Variants in MTUS1 observed in about 807,000 individuals in gnomAD.
MTUS1 encodes the protein microtubule associated scaffold protein 1.
MTUS1 carries 109 observed loss-of-function variants against 120.8 expected under a neutral mutation model. The ratio of observed to expected loss-of-function variants is 0.90; its 90% confidence interval spans 0.77 to 1.06. MTUS1 has a LOEUF of 1.06. MTUS1 is among the 50% of genes least tolerant of loss of function. The pLI, the probability that MTUS1 is intolerant of heterozygous loss-of-function variation, is 0.00. For synonymous variants in MTUS1, 737 were observed against 550.5 expected, an observed-to-expected ratio of 1.34 and a Z score of -4.74; for missense variants, 2,210 against 1,486.3, an observed-to-expected ratio of 1.49 and a Z score of -8.01.
At chr8:17,711,727 T>C (rs1585874835) in intron 6 of MTUS1, among the ~76,000 whole-genome samples, 2 of 152,262 alleles carry the variant, frequency 1.3e-5, no homozygotes, top group East Asian at 3.8e-4. Flanking sequence ...TTCTGAATTA[T>C]CCTGGCTTTC....
Position 17,767,533 on chromosome 8 carries a change from T to TAA in MTUS1, c.-154-11574_-154-11573dup, listed in dbSNP as rs71543699. Among the ~76,000 whole-genome samples, 184 of 141,346 alleles carry TAA rather than the reference T, an allele frequency of 1.3e-3. 1 individual carries two copies. Among genetic ancestry groups the TAA allele is most frequent in the African/African-American group, 1.6e-3 (61 of 37,774 alleles). The allele number at this position is 141,346 out of a possible 152,430, so 92.7% of individuals were successfully genotyped here. A position where few individuals can be genotyped will look rare whatever the true frequency, so the allele number is the denominator to read the frequency against. ...GCAACACAGCAAAACCCCATCTCTT[T>TAA]AAAAAAAAAAAAAAATCAACCAGGC... is the stretch of plus-strand genomic sequence containing the variant. On this transcript the variant is annotated intron_variant, in intron 1 of 14. Transcript: ENST00000693296.
intron 8 of MTUS1, among the ~76,000 whole-genome samples, chr8:17,666,270 G>C (rs13262658): frequency 0.5 from 72,022 of 142,704 alleles, 19,780 homozygotes; most frequent in Middle Eastern, 0.7. Flanking sequence ...TTTCAATCAA[G>C]AGTTTCAATG....
chr8:17,662,969 A>G (rs998642691), intron 8 of MTUS1, among the ~76,000 whole-genome samples: 2 of 152,230 alleles, frequency 1.3e-5, no homozygotes, highest in Non-Finnish European at 2.9e-5. Context: ...TGAGATTAGA[A>G]GTCAGTATTT....
At chr8:17,726,237 T>C (rs1585985967) in intron 3 of MTUS1, among the ~76,000 whole-genome samples, 1 of 152,186 alleles carries the variant, frequency 6.6e-6, no homozygotes, top group East Asian at 1.9e-4. Context: ...CCCCAGGTGA[T>C]TAAAATGCAC....
At chr8:17,794,185 G>A (rs1018356732) in intron 1 of MTUS1, among the ~76,000 whole-genome samples, 2 of 151,952 alleles carry the variant, frequency 1.3e-5, no homozygotes, top group Admixed American at 1.3e-4. Context: ...AAATGAAGAC[G>A]GGCGTGGTGG....
At chr8:17,697,423 T>C in intron 6 of MTUS1, 2 of 1,610,780 alleles carry the variant, frequency 1.2e-6, no homozygotes, top group Non-Finnish European at 1.7e-6. Context: ...GCAATTTCCA[T>C]GGACTGTCAC....
chr8:17,667,290 G>C (rs952082786), intron 8 of MTUS1, among the ~76,000 whole-genome samples: 1 of 152,208 alleles, frequency 6.6e-6, no homozygotes, highest in African/African-American at 2.4e-5. Context: ...TTGGTGTACA[G>C]TTGGTTTTCA....
intron 7 of MTUS1, among the ~76,000 whole-genome samples, chr8:17,680,424 A>G (rs895741318): frequency 2.3e-5 from 3 of 128,786 alleles, no homozygotes; most frequent in Non-Finnish European, 4.6e-5. Context: ...AGATTGCGCC[A>G]CTGCACTCCA....
intron 5 of MTUS1, 73 bp from the exon 6 acceptor site, chr8:17,713,325 TAAG>T (rs1821701900): frequency 1.1e-6 from 1 of 926,182 alleles, no homozygotes; most frequent in Non-Finnish European, 1.7e-6. Context: ...ACCATGTTGA[TAAG>T]AATTATTTTC....
intron 8 of MTUS1, among the ~76,000 whole-genome samples, chr8:17,657,248 G>A (rs1192746362): frequency 4.0e-5 from 6 of 151,858 alleles, no homozygotes; most frequent in East Asian, 1.9e-4. Context: ...GGCCAGGCAC[G>A]GTGGTTTGTG....
chr8:17,800,222 G>A (rs146444115), intron 1 of MTUS1, among the ~76,000 whole-genome samples: 3 of 151,930 alleles, frequency 2.0e-5, no homozygotes, highest in Non-Finnish European at 4.4e-5. Context: ...AAATTCACTG[G>A]TAACACCCCT....
rs545079393 is a variant in MTUS1 at position 17,659,649 on chromosome 8, G to T, written c.2906-3584C>A. ...GGAGGCAGAGGTTACAGTGAGCCAA[G>T]ATCGCACTACCGCACTCCAGCCTGG... On this transcript the variant is annotated intron_variant, in intron 8 of 14. Coordinates refer to ENST00000693296, the MANE Select transcript of MTUS1 (RefSeq NM_001363059.2). Among the ~76,000 whole-genome samples the T allele has an allele frequency of 6.1e-3, 932 of 152,258 alleles. 10 individuals are homozygous for T. Among genetic ancestry groups the T allele is most frequent in the African/African-American group, 0.021 (877 of 41,548 alleles).
chr8:17,753,862 T>C lies in MTUS1; in HGVS notation c.1946A>G (p.Glu649Gly), dbSNP rs765221491. Residue 649 changes from glutamate to glycine, a missense_variant, in exon 2 of 15, where the codon GAA becomes GGA. By Grantham distance (98) the Glu-to-Gly change is moderately conservative. Transcript: ENST00000693296. ...GGGAACATAGGTCATTTCCAAACAT[T>C]CTGCACTTTCCATTTTAACAGGGAG... Reference protein sequence around the residue: ...GILPVKMESAECLEMTYVPNI... With the variant: ...GILPVKMESAGCLEMTYVPNI... 1 of 1,614,228 alleles carries C rather than the reference T, an allele frequency of 6.2e-7. No individual in the cohort carries two copies. Among genetic ancestry groups the C allele is most frequent in the Non-Finnish European group, 8.5e-7 (1 of 1,180,038 alleles).
In MTUS1 at chr8:17,753,770, C is replaced by A; in HGVS notation, c.2038G>T (p.Glu680Ter). 6.2e-7 allele frequency: 1 copy of A among 1,612,900 alleles called. No individual in the cohort carries two copies. Among genetic ancestry groups the A allele is most frequent in the Non-Finnish European group, 8.5e-7 (1 of 1,179,808 alleles). The part of the protein sequence containing the change: ...KENGTSMEKQ[E>*]LKQEIMNETF... The stretch of plus-strand genomic sequence containing the variant: ...TCATTCATAATCTCTTGTTTCAGCT[C>A]TTGTTTTTCCATAGATGTCCCATTT... The change falls in exon 2 of 15, where the codon GAG (glutamate) becomes TAG (stop). Residue 680 changes from glutamate to a stop codon, truncating the protein, a stop_gained. Transcript: ENST00000693296. LOFTEE classifies it high-confidence loss of function.
chr8:17,698,475 T>C (rs760584641), intron 6 of MTUS1, among the ~76,000 whole-genome samples: 2 of 152,202 alleles, frequency 1.3e-5, no homozygotes, highest in African/African-American at 2.4e-5. Flanking sequence ...AAACCACGAA[T>C]AGCCTGAGCT....
rs551169773 is a variant in MTUS1 at position 17,759,038 on chromosome 8, T to C, written c.-154-3077A>G. ...CTGGGATTACAGGCGCCCGCCACCATGCCCGGCTCATTTTCTGTATTTTTA... is the reference window on the plus strand; with the variant it reads ...CTGGGATTACAGGCGCCCGCCACCACGCCCGGCTCATTTTCTGTATTTTTA... On this transcript the variant is annotated intron_variant, in intron 1 of 14. Transcript: ENST00000693296. 2.6e-5 allele frequency among the ~76,000 whole-genome samples: 4 copies of C among 152,098 alleles called. No individual in the cohort carries two copies. The South Asian group carries it at 8.3e-4, about 32-fold the overall frequency.
At chr8:17,701,157 A>T (rs1025472134) in intron 6 of MTUS1, among the ~76,000 whole-genome samples, 1 of 152,184 alleles carries the variant, frequency 6.6e-6, no homozygotes, top group Non-Finnish European at 1.5e-5. Flanking sequence ...AATCTTCCTT[A>T]GCCTAATATG....
chr8:17,657,950 T>A (rs1269392915), intron 8 of MTUS1, among the ~76,000 whole-genome samples: 1 of 151,596 alleles, frequency 6.6e-6, no homozygotes, highest in Non-Finnish European at 1.5e-5. Context: ...TATGTACATA[T>A]ATGTATGCAT....
At chr8:17,651,498 A>G (rs936870233) in intron 12 of MTUS1, 6 of 151,316 alleles carry the variant, frequency 4.0e-5, no homozygotes, top group African/African-American at 1.5e-4. Flanking sequence ...AATTTCATAC[A>G]TTTTATACAG....
Sources: gnomAD v4.1 joint callset for allele counts (sites outside exome capture counted in the v4.1 genomes callset) on GRCh38, gnomAD v4.1.1 for gene constraint, MANE v1.5 for transcripts, NCBI Gene and HGNC (gene_info 2026-07-23, HGNC 2026-07-21) for gene names.